Variants in SBNO1 observed in about 807,000 individuals in gnomAD.
SBNO1 encodes the protein protein strawberry notch homolog 1.
Under a neutral mutation model 173.6 loss-of-function variants are expected in SBNO1, and 23 were observed. The observed-to-expected ratio is 0.13, with a 90% confidence interval of 0.10 to 0.19. The LOEUF (loss-of-function observed/expected upper bound fraction) is 0.19. Among genes scored for constraint, SBNO1 ranks in the 10% least tolerant of loss-of-function variants. The probability of loss-of-function intolerance (pLI) is 1.00; values close to 1 mark genes in which losing one functional copy is unlikely to be tolerated. For synonymous variants in SBNO1, 632 were observed against 571.5 expected, an observed-to-expected ratio of 1.11 and a Z score of -1.51; for missense variants, 1,238 against 1,671.2, an observed-to-expected ratio of 0.74 and a Z score of 4.52.
intron 5 of SBNO1, among the ~76,000 whole-genome samples, chr12:123,338,261 T>C (rs1469671515): frequency 1.3e-5 from 2 of 152,172 alleles, no homozygotes; most frequent in South Asian, 2.1e-4. Flanking sequence ...CCAAACAAAA[T>C]ACATTTGTCA....
At chr12:123,325,899 G>A (rs1455956356) in intron 14 of SBNO1, among the ~76,000 whole-genome samples, 1 of 152,076 alleles carries the variant, frequency 6.6e-6, no homozygotes, top group Admixed American at 6.6e-5. Flanking sequence ...AAACCTTAAC[G>A]CAATACACAT....
At chr12:123,336,908 T>C (rs1447932271) in intron 5 of SBNO1, among the ~76,000 whole-genome samples, 1 of 152,148 alleles carries the variant, frequency 6.6e-6, no homozygotes, top group African/African-American at 2.4e-5. Context: ...CTAGCAAAGG[T>C]GGATTGGCCC....
chr12:123,364,440 G>A (rs61955086), intron 1 of SBNO1: 2 of 985,514 alleles, frequency 2.0e-6, no homozygotes, highest in Non-Finnish European at 1.2e-6. Context: ...CCCGGAGCCC[G>A]AAAGCCCCAC....
chr12:123,362,202 C>T (rs1034571754), intron 1 of SBNO1, among the ~76,000 whole-genome samples: 3 of 150,388 alleles, frequency 2.0e-5, no homozygotes, highest in Admixed American at 6.6e-5. Flanking sequence ...TTTGGGAGGC[C>T]GAGGCAAGCG....
chr12:123,339,426 C>G (rs1318442075), intron 5 of SBNO1, among the ~76,000 whole-genome samples: 5 of 151,998 alleles, frequency 3.3e-5, no homozygotes, highest in Admixed American at 3.3e-4. Flanking sequence ...AGTCTGCACC[C>G]CAACTTCTCC....
intron 7 of SBNO1, among the ~76,000 whole-genome samples, chr12:123,331,747 C>G (rs1031894701): frequency 2.6e-5 from 4 of 152,122 alleles, no homozygotes; most frequent in African/African-American, 9.7e-5. Context: ...ATCTCGATCT[C>G]CTGACCTCGT....
intron 15 of SBNO1, among the ~76,000 whole-genome samples, chr12:123,324,465 G>A (rs751257925): frequency 1.3e-5 from 2 of 152,112 alleles, no homozygotes; most frequent in East Asian, 1.9e-4. Context: ...GGGATTACAG[G>A]TGCCCGCCAC....
intron 9 of SBNO1, among the ~76,000 whole-genome samples, chr12:123,329,492 C>T (rs1870957105): frequency 6.7e-6 from 1 of 150,338 alleles, no homozygotes. Context: ...AATTTACAAA[C>T]ATTTATTGTG....
At chr12:123,319,847 C>T (rs577587504) in intron 20 of SBNO1, 53 bp downstream of exon 20, 1 of 1,527,214 alleles carries the variant, frequency 6.5e-7, no homozygotes, top group South Asian at 1.2e-5. Flanking sequence ...AAAGCTTAAT[C>T]TAAATATACA....
intron 22 of SBNO1, 47 bp downstream of exon 22, chr12:123,315,501 T>G: frequency 6.3e-7 from 1 of 1,586,218 alleles, no homozygotes. Context: ...AGAAAACAGG[T>G]ACAATAGATC....
chr12:123,341,198 C>G, intron 4 of SBNO1, 110 bp from the exon 5 acceptor site: 2 of 620,912 alleles, frequency 3.2e-6, no homozygotes, highest in South Asian at 4.3e-5. Context: ...ACCTGTAATC[C>G]CAGCATTTTT....
At chr12:123,364,079 G>A (rs1940766190) in intron 1 of SBNO1, 2 of 985,484 alleles carry the variant, frequency 2.0e-6, no homozygotes, top group Non-Finnish European at 2.4e-6. Context: ...CTCGCCCGCC[G>A]AGGCAGAACT....
rs1258069234 is a variant in SBNO1 at position 123,321,787 on chromosome 12, C to T, written c.2126-55G>A. The T allele has an allele frequency of 4.8e-5, 64 of 1,324,832 alleles. 1 individual carries two copies. The highest frequency in any genetic ancestry group is 8.8e-5 in the African/African-American group (6 of 68,556). 82.1% of individuals were successfully genotyped at this position (1,324,832 alleles called of 1,614,324 possible). A position where few individuals can be genotyped will look rare whatever the true frequency, so the allele number is the denominator to read the frequency against. On this transcript the variant is annotated intron_variant, in intron 16 of 31. Coordinates refer to ENST00000602398, the MANE Select transcript of SBNO1 (RefSeq NM_001167856.3). ...CCCAAATTCAATGTTTCTTAAGATCCAGTACATCACATTTAGTTCATGAAT... is the reference window on the plus strand; with the variant it reads ...CCCAAATTCAATGTTTCTTAAGATCTAGTACATCACATTTAGTTCATGAAT...
At chr12:123,310,981 T>A in intron 25 of SBNO1, 74 bp downstream of exon 25, 1 of 1,127,780 alleles carries the variant, frequency 8.9e-7, no homozygotes, top group South Asian at 1.3e-5. Context: ...CCCCTTCAGC[T>A]CAAAAGCATA....
chr12:123,316,242 T>G (rs1376346795), intron 21 of SBNO1, among the ~76,000 whole-genome samples: 1 of 152,196 alleles, frequency 6.6e-6, no homozygotes, highest in Non-Finnish European at 1.5e-5. Flanking sequence ...TTTTTTGTTG[T>G]TGTTAGAGTT....
In SBNO1 at chr12:123,312,140, T is replaced by C. The variant is rs532513681; in HGVS notation, c.3221-1011A>G. On this transcript the variant is annotated intron_variant, in intron 24 of 31. Coordinates refer to ENST00000602398, the MANE Select transcript of SBNO1 (RefSeq NM_001167856.3). ...ACCAGTCTGGAATGCAGTGGTGCCA[T>C]CACAGCTCACTACAGCCTCCACCTC... 4.0e-4 allele frequency among the ~76,000 whole-genome samples: 61 copies of C among 151,392 alleles called. 1 individual carries two copies. Among genetic ancestry groups the C allele is most frequent in the Non-Finnish European group, 3.5e-4 (24 of 67,870 alleles).
At chr12:123,311,750 T>TATATA (rs1566027879) in intron 24 of SBNO1, among the ~76,000 whole-genome samples, 21 of 131,538 alleles carry the variant, frequency 1.6e-4, no homozygotes, top group Admixed American at 4.6e-4. Context: ...ATATATATAT[T>TATATA]TTTGCGACAG....
At position 123,321,546 on chromosome 12, in the gene SBNO1, T is replaced by C; in HGVS notation, c.2312A>G (p.Asp771Gly). Residue 771 changes from aspartate to glycine, a missense_variant, in exon 17 of 32, where the codon GAT becomes GGT. Asp to Gly is a moderately conservative substitution (Grantham distance 94, BLOSUM62 -1). Around this residue, in one of 14 missense-constraint regions of SBNO1, gnomAD observed 33 missense variants for 29.6 expected, o/e 1.11. Transcript: ENST00000602398. ...TATACTGAACTTACCATTTTCATCA[T>C]CCTCATTAGACTCATCTAAAAATGG... ...FNPFLDESNE[D>G]DENDPWLIRK... The C allele has an allele frequency of 6.2e-7, 1 of 1,610,356 alleles. No homozygotes were observed. The highest frequency in any genetic ancestry group is 8.5e-7 in the Non-Finnish European group (1 of 1,176,600).
intron 22 of SBNO1, 40 bp from the exon 23 acceptor site, chr12:123,315,484 T>A: frequency 6.3e-7 from 1 of 1,590,292 alleles, no homozygotes. Context: ...ACAGGTAACC[T>A]TTTACCAGAA....
Sources: gnomAD v4.1 joint callset for allele counts (sites outside exome capture counted in the v4.1 genomes callset) on GRCh38, gnomAD v4.1.1 for gene constraint, gnomAD v4.1.1 regional missense constraint, MANE v1.5 for transcripts, NCBI Gene and HGNC (gene_info 2026-07-23, HGNC 2026-07-21) for gene names.